ASXL3: variants seen among roughly 807,000 people sequenced by gnomAD.
The protein encoded by ASXL3 is ASXL transcriptional regulator 3, also known as putative Polycomb group protein ASXL3.
Under a neutral mutation model 170.6 loss-of-function variants are expected in ASXL3, and 34 were observed. The ratio of observed to expected loss-of-function variants is 0.20; its 90% CI spans 0.15 to 0.27. The LOEUF is 0.27. ASXL3 is among the 10% of genes least tolerant of loss of function. The probability of loss-of-function intolerance (pLI) is 1.00; values close to 1 mark genes in which losing one functional copy is unlikely to be tolerated. For missense variants in ASXL3, 2,592 were observed against 2,695.3 expected (o/e 0.96, Z 0.85); for synonymous variants, 1,002 against 989.1 (o/e 1.01, Z -0.24).
chr18:33,661,532 G>A, intron 4 of ASXL3, 84 bp from the exon 5 acceptor site: 2 of 1,335,184 alleles, frequency 1.5e-6, no homozygotes, highest in Non-Finnish European at 2.0e-6. Context: ...ATTTTCAATT[G>A]CAGAAAAGCT....
Position 33,578,498 on chromosome 18 carries a change from C to T in ASXL3, c.-134C>T. On this transcript the variant is annotated 5_prime_UTR_variant, in exon 1 of 12. Coordinates refer to ENST00000269197, the MANE Select transcript of ASXL3 (RefSeq NM_030632.3). ...GCCGCCGCCGCCGCCGCCGCCGCCG[C>T]CACCGCCCGCGCGCCTCCCCCCGCG... The T allele has an allele frequency of 2.7e-6, 1 of 364,046 alleles. No homozygotes were observed. 22.6% of individuals were successfully genotyped at this position (364,046 alleles called of 1,614,324 possible). A position where few individuals can be genotyped will look rare whatever the true frequency, so the allele number is the denominator to read the frequency against.
chr18:33,607,742 G>C, intron 2 of ASXL3, 66 bp downstream of exon 2: 1 of 1,199,918 alleles, frequency 8.3e-7, no homozygotes, highest in Non-Finnish European at 1.2e-6. Context: ...GTTGCTAAGC[G>C]ATAGGTGTAT....
chr18:33,667,511 TTTTTTTG>T (rs1459164323), intron 5 of ASXL3, among the ~76,000 whole-genome samples: 5 of 152,180 alleles, frequency 3.3e-5, no homozygotes, highest in African/African-American at 1.2e-4. Flanking sequence ...TACTCCGTTC[TTTTTTTG>T]TTTTTTGTTT....
At chr18:33,639,393 C>G (rs955877299) in intron 2 of ASXL3, among the ~76,000 whole-genome samples, 1 of 152,052 alleles carries the variant, frequency 6.6e-6, no homozygotes, top group African/African-American at 2.4e-5. Context: ...ACCGCCCTCC[C>G]CAGCATAGGG....
At chr18:33,641,752 T>G (rs969877406) in intron 2 of ASXL3, 1 of 152,518 alleles carries the variant, frequency 6.6e-6, no homozygotes, top group African/African-American at 2.4e-5. Flanking sequence ...CTAACTTTGT[T>G]TTCTTCCTTT....
chr18:33,626,134 C>A (rs983112172), intron 2 of ASXL3, among the ~76,000 whole-genome samples: 5 of 152,026 alleles, frequency 3.3e-5, no homozygotes, highest in African/African-American at 1.2e-4. Context: ...TCTGGTTCAA[C>A]TTTAAATACT....
chr18:33,706,547 T>C (rs777847750), intron 8 of ASXL3, among the ~76,000 whole-genome samples: 5 of 151,890 alleles, frequency 3.3e-5, no homozygotes, highest in Non-Finnish European at 7.4e-5. Context: ...TTTACAATTG[T>C]TCATAGTGGT....
At chr18:33,692,512 GTCC>G (rs2066702446) in intron 8 of ASXL3, among the ~76,000 whole-genome samples, 1 of 152,152 alleles carries the variant, frequency 6.6e-6, no homozygotes. Flanking sequence ...AGGGCTCAAA[GTCC>G]TCCTCACAAA....
At position 33,746,216 on chromosome 18, in the gene ASXL3, C is replaced by T. The variant is rs772435969; in HGVS notation, c.6368C>T (p.Ser2123Phe). ...TTCGCGCTAAAAAGTGCAGATTTCTCTTCCTATTTGCTTTCTGAGCCACAA... is the reference window on the plus strand; with the variant it reads ...TTCGCGCTAAAAAGTGCAGATTTCTTTTCCTATTTGCTTTCTGAGCCACAA... ...KAFALKSADF[S>F]SYLLSEPQKP... Residue 2123 changes from serine (S) to phenylalanine (F), a missense_variant, in exon 12 of 12, where the codon TCT (serine) becomes TTT (phenylalanine). By Grantham distance (155) the Ser-to-Phe change is radical. Around this residue, in one of 4 missense-constraint regions of ASXL3, gnomAD observed 2,246 missense variants for 2,219.6 expected, o/e 1.01. Transcript: ENST00000269197. 1.9e-6 allele frequency: 3 copies of T among 1,613,928 alleles called. No individual in the cohort carries two copies. Among genetic ancestry groups the T allele is most frequent in the Non-Finnish European group, 2.5e-6 (3 of 1,179,880 alleles).
At chr18:33,696,350 T>C (rs2066773275) in intron 8 of ASXL3, among the ~76,000 whole-genome samples, 1 of 152,036 alleles carries the variant, frequency 6.6e-6, no homozygotes, top group Admixed American at 6.6e-5. Context: ...TGGATTAAAG[T>C]GTTAGTATAA....
In ASXL3 at chr18:33,748,923, A is replaced by T. The variant is rs898502662; in HGVS notation, c.*2328A>T. On this transcript the variant is annotated 3_prime_UTR_variant, in exon 12 of 12. Coordinates refer to ENST00000269197, the MANE Select transcript of ASXL3 (RefSeq NM_030632.3). ...TACTGAGCTCATTATCAGTTCCTTC[A>T]TTGTTGAATACTGCCTGCAAGTTGC... is the stretch of plus-strand genomic sequence containing the variant. The T allele has an allele frequency of 2.0e-5, 3 of 152,178 alleles. No individual in the cohort carries two copies. Among genetic ancestry groups the T allele is most frequent in the Non-Finnish European group, 1.5e-5 (1 of 68,036 alleles). The allele number at this position is 152,178 out of a possible 1,614,324, so 9.4% of individuals were successfully genotyped here.
At chr18:33,609,377 G>C (rs8094019) in intron 2 of ASXL3, among the ~76,000 whole-genome samples, 2,996 of 151,964 alleles carry the variant, frequency 0.02, 92 homozygotes, top group African/African-American at 0.068. Flanking sequence ...TTTGAAATTC[G>C]TTCATTAAGA....
At chr18:33,716,573 T>C (rs1430884108) in intron 8 of ASXL3, among the ~76,000 whole-genome samples, 1 of 152,130 alleles carries the variant, frequency 6.6e-6, no homozygotes, top group African/African-American at 2.4e-5. Context: ...GTTGTATGTT[T>C]TAGGATTTTT....
At chr18:33,620,438 C>T (rs946024329) in intron 2 of ASXL3, among the ~76,000 whole-genome samples, 3 of 152,104 alleles carry the variant, frequency 2.0e-5, no homozygotes, top group African/African-American at 7.2e-5. Context: ...CCTCCTCTCC[C>T]ACTCTCCCAC....
chr18:33,601,524 AAAAGTTCCAAATATAGAATGACTG>A (rs763817954), intron 1 of ASXL3, among the ~76,000 whole-genome samples: 5 of 151,796 alleles, frequency 3.3e-5, no homozygotes, highest in African/African-American at 4.8e-5. Flanking sequence ...TTATTCTATA[AAAAGTTCCAAATATAGAATGACTG>A]AAAACATTCC....
At chr18:33,639,730 A>G (rs1416398822) in intron 2 of ASXL3, among the ~76,000 whole-genome samples, 1 of 152,270 alleles carries the variant, frequency 6.6e-6, no homozygotes, top group African/African-American at 2.4e-5. Context: ...GCTATAGTCT[A>G]TCTAATGATA....
At chr18:33,609,124 A>T (rs1033382032) in intron 2 of ASXL3, 41 of 946,044 alleles carry the variant, frequency 4.3e-5, no homozygotes, top group Admixed American at 6.2e-5. Context: ...TCCTATTTTA[A>T]CCCGGATGTC....
chr18:33,743,227 A>T lies in ASXL3; in HGVS notation c.3379A>T (p.Thr1127Ser). Residue 1127 changes from threonine (T) to serine (S), a missense_variant, in exon 12 of 12, where the codon ACC becomes TCC. This residue lies in a region of ASXL3 where 2,246 missense variants were observed against 2,219.6 expected (regional missense o/e 1.01). Transcript: ENST00000269197. ...RAHLFQTSKETRLPPPLSSKE... is the reference protein window; with the variant it reads ...RAHLFQTSKESRLPPPLSSKE... ...CCATCTCTTCCAGACCTCTAAAGAGACCCGGTTGCCTCCTCCGCTCAGCTC... is the reference window on the plus strand; with the variant it reads ...CCATCTCTTCCAGACCTCTAAAGAGTCCCGGTTGCCTCCTCCGCTCAGCTC... 6.2e-7 allele frequency: 1 copy of T among 1,613,880 alleles called. No individual in the cohort carries two copies. The highest frequency in any genetic ancestry group is 8.5e-7 in the Non-Finnish European group (1 of 1,179,858).
chr18:33,608,935 G>A (rs970510068), intron 2 of ASXL3: 44 of 648,378 alleles, frequency 6.8e-5, no homozygotes, highest in South Asian at 2.8e-4. Context: ...TGGCGTACAG[G>A]ACACCTATGC....
Sources: gnomAD v4.1 joint callset for allele counts (sites outside exome capture counted in the v4.1 genomes callset) on GRCh38, gnomAD v4.1.1 for gene constraint, gnomAD v4.1.1 regional missense constraint, MANE v1.5 for transcripts, NCBI Gene and HGNC (gene_info 2026-07-23, HGNC 2026-07-21) for gene names.